ACO1: variants seen among roughly 807,000 people sequenced by gnomAD.
The protein encoded by ACO1 is cytoplasmic aconitate hydratase.
In ACO1, 78 loss-of-function variants were observed where a neutral mutation model predicts 105.1. That is an observed-to-expected ratio of 0.74 (90% CI 0.62 to 0.90). ACO1 has a LOEUF of 0.90. ACO1 is among the 40% of genes least tolerant of loss of function. The pLI is 0.00. For synonymous variants in ACO1, 364 were observed against 397.4 expected, an observed-to-expected ratio of 0.92 and a Z score of 1.00; for missense variants, 965 against 1,111.1, an observed-to-expected ratio of 0.87 and a Z score of 1.87.
chr9:32,389,448 C>T (rs904389659), intron 1 of ACO1, among the ~76,000 whole-genome samples: 1 of 152,150 alleles, frequency 6.6e-6, no homozygotes, highest in Non-Finnish European at 1.5e-5. Context: ...GGCTGTCTTA[C>T]CACCAGCTTA....
chr9:32,426,055 G>A, intron 11 of ACO1, 58 bp downstream of exon 11: 3 of 1,570,470 alleles, frequency 1.9e-6, no homozygotes, highest in Non-Finnish European at 1.7e-6. Context: ...GAAATAGCCC[G>A]AGACAGGGCC....
At chr9:32,389,800 CTTTT>C (rs71916359) in intron 1 of ACO1, among the ~76,000 whole-genome samples, 45 of 132,486 alleles carry the variant, frequency 3.4e-4, no homozygotes, top group African/African-American at 1.2e-3. Flanking sequence ...TTCCTCTATA[CTTTT>C]TTTTTTTTTT....
intron 1 of ACO1, among the ~76,000 whole-genome samples, chr9:32,402,275 C>G (rs954768661): frequency 6.6e-6 from 1 of 152,144 alleles, no homozygotes; most frequent in Admixed American, 6.5e-5. Context: ...AAAGCAGCAA[C>G]CCCAAATAGT....
intron 4 of ACO1, among the ~76,000 whole-genome samples, chr9:32,415,748 G>A (rs547595023): frequency 5.9e-5 from 9 of 152,164 alleles, no homozygotes; most frequent in South Asian, 2.1e-4. Context: ...TGCTCTTCTC[G>A]AACATGTACA....
intron 3 of ACO1, among the ~76,000 whole-genome samples, chr9:32,408,053 AAG>A (rs1479302379): frequency 6.6e-6 from 1 of 152,194 alleles, no homozygotes; most frequent in African/African-American, 2.4e-5. Context: ...TTAAGCGAAA[AAG>A]AGAGATTCAT....
intron 13 of ACO1, among the ~76,000 whole-genome samples, chr9:32,429,943 A>C (rs1439293352): frequency 1.3e-5 from 2 of 152,226 alleles, no homozygotes; most frequent in African/African-American, 4.8e-5. Context: ...TAATTTGAAA[A>C]TTGGTTCAAA....
In ACO1 at chr9:32,434,623, C is replaced by G; in HGVS notation, c.2021C>G (p.Ser674Trp). 6.2e-7 allele frequency: 1 copy of G among 1,614,032 alleles called. No homozygotes were observed. Among genetic ancestry groups the G allele is most frequent in the Non-Finnish European group, 8.5e-7 (1 of 1,179,958 alleles). ...DAYVLLNLGD[S>W]VTTDHISPAG... is the part of the protein sequence containing the mutation. ...TATGTGCTGCTAAATTTGGGAGATTCGGTAACAACTGACCACATCTCCCCA... is the reference window on the plus strand; with the variant it reads ...TATGTGCTGCTAAATTTGGGAGATTGGGTAACAACTGACCACATCTCCCCA... Residue 674 changes from serine to tryptophan, a missense_variant, in exon 17 of 21, where the codon TCG (serine) becomes TGG (tryptophan). Ser to Trp is a radical substitution (Grantham distance 177, BLOSUM62 -3). Coordinates refer to ENST00000309951, the MANE Select transcript of ACO1 (RefSeq NM_002197.3).
chr9:32,416,253 C>A (rs543998330), intron 4 of ACO1, among the ~76,000 whole-genome samples: 1 of 151,958 alleles, frequency 6.6e-6, no homozygotes, highest in Non-Finnish European at 1.5e-5. Context: ...TGCCACCATG[C>A]CCGGCTAATT....
chr9:32,407,043 A>G (rs1163998877), intron 2 of ACO1, among the ~76,000 whole-genome samples: 1 of 152,138 alleles, frequency 6.6e-6, no homozygotes, highest in East Asian at 1.9e-4. Context: ...CAGCCTCCCA[A>G]AGTGCTGGGA....
At chr9:32,440,699 C>T (rs1038852879) in intron 19 of ACO1, 112 bp downstream of exon 19, 1 of 1,400,926 alleles carries the variant, frequency 7.1e-7, no homozygotes. Context: ...AGAGCAAGCT[C>T]AAAAAAGCAG....
In ACO1 at chr9:32,414,887, A is replaced by G. The variant is rs548424614; in HGVS notation, c.405-3241A>G. On this transcript the variant is annotated intron_variant, in intron 4 of 20. Coordinates refer to ENST00000309951, the MANE Select transcript of ACO1 (RefSeq NM_002197.3). ...TTATTCCAGAAACAGATTATAGTTT[A>G]GAAGGGGAGAGAAATTAGTGAACAC... is the stretch of plus-strand genomic sequence containing the variant. Among the ~76,000 whole-genome samples the G allele has an allele frequency of 2.6e-5, 4 of 152,332 alleles. No homozygotes were observed. The South Asian group carries it at 6.2e-4, about 24-fold the overall frequency.
intron 1 of ACO1, among the ~76,000 whole-genome samples, chr9:32,396,789 G>A (rs1374687961): frequency 6.6e-6 from 1 of 152,168 alleles, no homozygotes; most frequent in East Asian, 1.9e-4. Flanking sequence ...GTTCCCTGAT[G>A]TATCACCAGG....
At chr9:32,406,556 A>G (rs529755999) in intron 2 of ACO1, among the ~76,000 whole-genome samples, 29 of 152,156 alleles carry the variant, frequency 1.9e-4, no homozygotes, top group Non-Finnish European at 3.7e-4. Context: ...CAGGGAGTTT[A>G]AGGCTGCAAT....
intron 18 of ACO1, among the ~76,000 whole-genome samples, chr9:32,440,041 A>T (rs1158697173): frequency 1.3e-5 from 2 of 152,114 alleles, no homozygotes; most frequent in Non-Finnish European, 2.9e-5. Flanking sequence ...CCGAGGTGGG[A>T]GGATCACTTG....
chr9:32,388,076 T>C (rs72710631), intron 1 of ACO1, among the ~76,000 whole-genome samples: 1 of 152,124 alleles, frequency 6.6e-6, no homozygotes, highest in Non-Finnish European at 1.5e-5. Context: ...GAGCCACATA[T>C]GGGTCTTATT....
At position 32,431,789 on chromosome 9, in the gene ACO1, G is replaced by A. The variant is rs764732371; in HGVS notation, c.1797G>A (p.Val599=). 6.2e-7 allele frequency: 1 copy of A among 1,614,020 alleles called. No homozygotes were observed. The highest frequency in any genetic ancestry group is 8.5e-7 in the Non-Finnish European group (1 of 1,180,018). The change falls in exon 15 of 21, where the codon GTG becomes GTA. Residue 599 remains valine (V), a synonymous_variant. Coordinates refer to ENST00000309951, the MANE Select transcript of ACO1 (RefSeq NM_002197.3). ...CGACTAGAGACGAGATCCAGGCAGT[G>A]GAGCGTCAGTATGTCATCCCGGGGA... ...IWPTRDEIQA[V]ERQYVIPGMF...
At chr9:32,389,632 C>A (rs1297629136) in intron 1 of ACO1, among the ~76,000 whole-genome samples, 1 of 151,702 alleles carries the variant, frequency 6.6e-6, no homozygotes, top group Non-Finnish European at 1.5e-5. Context: ...CTGGCACCAT[C>A]AGCTGACCGT....
At chr9:32,443,051 A>T (rs1174955656) in intron 19 of ACO1, among the ~76,000 whole-genome samples, 1 of 152,202 alleles carries the variant, frequency 6.6e-6, no homozygotes, top group Non-Finnish European at 1.5e-5. Flanking sequence ...TAACTTACAA[A>T]GTCTTTTGTT....
In ACO1 at chr9:32,431,756, T is replaced by C. The variant is rs1364042917; in HGVS notation, c.1764T>C (p.Asp588=). The change falls in exon 15 of 21, where the codon GAT becomes GAC. Residue 588 remains aspartate (D), a synonymous_variant. Coordinates refer to ENST00000309951, the MANE Select transcript of ACO1 (RefSeq NM_002197.3). ...AGGGACAGCAGGTATTTCTGAAAGA[T>C]ATCTGGCCGACTAGAGACGAGATCC... is the stretch of plus-strand genomic sequence containing the variant. ...NAKGQQVFLK[D]IWPTRDEIQA... 3.7e-6 allele frequency: 6 copies of C among 1,614,138 alleles called. No homozygotes were observed. The highest frequency in any genetic ancestry group is 5.1e-6 in the Non-Finnish European group (6 of 1,179,996).
Sources: allele counts gnomAD v4.1 joint callset (sites outside exome capture counted in the v4.1 genomes callset), GRCh38; gene constraint gnomAD v4.1.1; transcripts MANE v1.5; gene names NCBI Gene and HGNC (gene_info 2026-07-23, HGNC 2026-07-21).